Variants in VWDE observed in about 807,000 individuals in gnomAD.
The protein encoded by VWDE is von Willebrand factor D and EGF domains, also known as von Willebrand factor D and EGF domain-containing protein.
A neutral mutation model predicts 178.4 loss-of-function variants in VWDE; 207 were observed. The ratio of observed to expected loss-of-function variants is 1.16; its 90% CI spans 1.04 to 1.30. The LOEUF (loss-of-function observed/expected upper bound fraction) is 1.30, where lower values mean the gene tolerates loss of function less well. Ranked by LOEUF, VWDE falls within the 50% of genes most tolerant of loss-of-function variation. The pLI, the probability that VWDE is intolerant of heterozygous loss-of-function variation, is 0.00. For missense variants in VWDE, 2,287 were observed against 1,901.3 expected (o/e 1.20, Z -3.77); for synonymous variants, 738 against 651.4 (o/e 1.13, Z -2.02).
intron 28 of VWDE, among the ~76,000 whole-genome samples, chr7:12,332,491 T>C (rs1047001429): frequency 1.3e-5 from 2 of 152,108 alleles, no homozygotes; most frequent in Middle Eastern, 3.2e-3. Flanking sequence ...ACTGTCAAAG[T>C]GGAGTTAAAA....
rs1781258772 is a variant in VWDE, at chr7:12,340,329, A to G, written c.4359T>C (p.Cys1453=). The change falls in exon 24 of 29, where the codon TGT becomes TGC. Residue 1453 remains cysteine (C), a synonymous_variant. Coordinates refer to ENST00000275358, the MANE Select transcript of VWDE (RefSeq NM_001135924.3). ...LCPNGFFGEH[C]QNAFCHPPCK... is the part of the protein sequence containing the mutation. ...CAAAGAAAGAATAATTACCATTCTG[A>G]CAGTGTTCCCCAAAGAATCCATTTG... 1 of 1,550,116 alleles carries G rather than the reference A, an allele frequency of 6.5e-7. No individual in the cohort carries two copies. The highest frequency in any genetic ancestry group is 2.0e-5 in the Admixed American group (1 of 50,878).
chr7:12,386,147 T>G (rs1375686691), intron 3 of VWDE, among the ~76,000 whole-genome samples: 1 of 152,168 alleles, frequency 6.6e-6, no homozygotes, highest in African/African-American at 2.4e-5. Context: ...ACACAGAATT[T>G]TCCACAAATA....
intron 1 of VWDE, among the ~76,000 whole-genome samples, chr7:12,402,818 G>A (rs1190647949): frequency 6.6e-6 from 1 of 151,832 alleles, no homozygotes; most frequent in African/African-American, 2.4e-5. Context: ...AATGAGTTAA[G>A]ATCAAAAAAT....
chr7:12,337,306 T>TA, intron 24 of VWDE, 34 bp from the exon 25 acceptor site: 1 of 1,499,492 alleles, frequency 6.7e-7, no homozygotes. Flanking sequence ...CTGTGAATAT[T>TA]ACACATCCCA....
In VWDE at chr7:12,389,198, A is replaced by T. The variant is rs1287296087; in HGVS notation, c.404T>A (p.Val135Glu). ...TACAGAAAAGTTCCCACAGTTTCTT[A>T]CAGACACTGGGATTTGAAAGAGACA... ...DCCLFQIPVS[V>E]RNCGNFSVYL... The change falls in exon 3 of 29, where the codon GTA becomes GAA. Residue 135 changes from valine (V) to glutamate (E), a missense_variant. By Grantham distance (121) the Val-to-Glu change is moderately radical (BLOSUM62 -2). Transcript: ENST00000275358. The T allele has an allele frequency of 1.3e-6, 2 of 1,551,730 alleles. No homozygotes were observed. Among genetic ancestry groups the T allele is most frequent in the East Asian group, 4.9e-5 (2 of 40,914 alleles).
Position 12,361,207 on chromosome 7 carries a change from G to T in VWDE, c.3099C>A (p.Val1033=). ...GYKFSNPKIT[V]IYDGACQVCG... ...AAACTTGGCAAGCACCATCATATAT[G>T]ACCGTTATTTTGGGATTACTGAATT... Residue 1033 remains valine (V), a synonymous_variant, in exon 15 of 29, where the codon GTC becomes GTA. Transcript: ENST00000275358. The T allele has an allele frequency of 6.5e-7, 1 of 1,548,072 alleles. No homozygotes were observed. The highest frequency in any genetic ancestry group is 1.2e-5 in the South Asian group (1 of 83,818).
At chr7:12,351,465 G>T (rs868463991) in intron 19 of VWDE, 108 bp downstream of exon 19, 11 of 1,191,526 alleles carry the variant, frequency 9.2e-6, no homozygotes, top group South Asian at 3.4e-5. Context: ...TAACCTTTAG[G>T]TGATCTTTCT....
Position 12,388,726 on chromosome 7 carries a change from A to C in VWDE, c.475+401T>G, listed in dbSNP as rs1007872334. 7.0e-5 allele frequency: 21 copies of C among 301,816 alleles called. No homozygotes were observed. The Admixed American group carries it at 8.8e-4, about 13-fold the overall frequency. The allele number at this position is 301,816 out of a possible 1,614,324, so 18.7% of individuals were successfully genotyped here. A position where few individuals can be genotyped will look rare whatever the true frequency, so the allele number is the denominator to read the frequency against. On this transcript the variant is annotated intron_variant, in intron 3 of 28. Coordinates refer to ENST00000275358, the MANE Select transcript of VWDE (RefSeq NM_001135924.3). Reference sequence around the variant, plus strand: ...TCTGAGGCCTTAAATAATTTCTGGCACAGGATAAACATTCAATAAATATTG... The same window carrying C: ...TCTGAGGCCTTAAATAATTTCTGGCCCAGGATAAACATTCAATAAATATTG...
intron 3 of VWDE, 57 bp downstream of exon 3, chr7:12,389,070 G>A: frequency 8.6e-7 from 1 of 1,162,266 alleles, no homozygotes; most frequent in Non-Finnish European, 1.3e-6. Context: ...CCAGAGAATG[G>A]TACGAATGGC....
At chr7:12,399,214 T>G (rs1784765647) in intron 1 of VWDE, among the ~76,000 whole-genome samples, 1 of 152,042 alleles carries the variant, frequency 6.6e-6, no homozygotes, top group Admixed American at 6.6e-5. Flanking sequence ...ACAATTAGAT[T>G]GAAAGTAAAA....
intron 12 of VWDE, among the ~76,000 whole-genome samples, chr7:12,369,035 G>A (rs1316771080): frequency 6.6e-6 from 1 of 152,140 alleles, no homozygotes; most frequent in Non-Finnish European, 1.5e-5. Flanking sequence ...CAGTTTCTTT[G>A]TCTAACATAT....
intron 3 of VWDE, among the ~76,000 whole-genome samples, chr7:12,386,297 C>T (rs1235389432): frequency 1.3e-5 from 2 of 152,182 alleles, no homozygotes; most frequent in Admixed American, 6.5e-5. Flanking sequence ...TTTTCTCCTT[C>T]CTAATGAATG....
chr7:12,351,711 C>T lies in VWDE; in HGVS notation c.3748G>A (p.Glu1250Lys). ...SCDCPPELKV[E>K]TQFVNQFTTQ... ...GTAAATTGATTTACAAACTGTGTTT[C>T]AACTGTAAATGAGAACAAGGAAAAC... is the stretch of plus-strand genomic sequence containing the variant. The change falls in exon 19 of 29, where the codon GAA (glutamate) becomes AAA (lysine). Residue 1250 changes from glutamate to lysine, a missense_variant and splice_region_variant. Transcript: ENST00000275358. The T allele has an allele frequency of 6.5e-7, 1 of 1,539,540 alleles. No individual in the cohort carries two copies. Among genetic ancestry groups the T allele is most frequent in the Non-Finnish European group, 8.8e-7 (1 of 1,142,706 alleles).
At chr7:12,384,288 T>C (rs929301748) in intron 3 of VWDE, among the ~76,000 whole-genome samples, 1 of 151,996 alleles carries the variant, frequency 6.6e-6, no homozygotes, top group Non-Finnish European at 1.5e-5. Flanking sequence ...ATATGAAATC[T>C]AGGAAAAAAC....
At chr7:12,369,202 G>C (rs1161406706) in intron 12 of VWDE, among the ~76,000 whole-genome samples, 2 of 152,132 alleles carry the variant, frequency 1.3e-5, no homozygotes, top group Admixed American at 1.3e-4. Context: ...GCCCAGTTGT[G>C]TGTAAAGGCC....
chr7:12,345,784 C>T (rs1416748876), intron 19 of VWDE, among the ~76,000 whole-genome samples: 1 of 152,088 alleles, frequency 6.6e-6, no homozygotes, highest in Non-Finnish European at 1.5e-5. Context: ...TGTTCAATAT[C>T]TGATATCTGA....
Position 12,351,838 on chromosome 7 carries a change from C to T in VWDE, c.3746-125G>A, listed in dbSNP as rs1415699112. The T allele has an allele frequency of 1.8e-4, 142 of 785,770 alleles. 3 individuals are homozygous for T. In the Admixed American group the frequency reaches 4.8e-3, roughly 27 times the overall value. The allele number at this position is 785,770 out of a possible 1,614,324, so 48.7% of individuals were successfully genotyped here. ...TCTGCAAATTAGACTGAATAACTCA[C>T]TTAAATGTCATCTCTTCTGCACACT... On this transcript the variant is annotated intron_variant, in intron 18 of 28. Transcript: ENST00000275358.
At chr7:12,355,800 T>A (rs1443762483) in intron 18 of VWDE, among the ~76,000 whole-genome samples, 1 of 152,146 alleles carries the variant, frequency 6.6e-6, no homozygotes, top group Non-Finnish European at 1.5e-5. Flanking sequence ...TTTTCCATAT[T>A]ATATCTTAAT....
chr7:12,391,379 A>C (rs1489751713), intron 2 of VWDE, among the ~76,000 whole-genome samples: 2 of 152,200 alleles, frequency 1.3e-5, no homozygotes, highest in Admixed American at 6.5e-5. Context: ...GCCTTAGTAC[A>C]AAAAAGGAAT....
Sources: allele counts gnomAD v4.1 joint callset (sites outside exome capture counted in the v4.1 genomes callset), GRCh38; gene constraint gnomAD v4.1.1; transcripts MANE v1.5; gene names NCBI Gene and HGNC (gene_info 2026-07-23, HGNC 2026-07-21).